AMZ1: variants seen among roughly 807,000 people sequenced by gnomAD.
AMZ1 encodes the protein archaemetzincin-1.
A neutral mutation model predicts 29.9 loss-of-function variants in AMZ1; 39 were observed. That is an observed-to-expected ratio of 1.30 (90% CI 1.01 to 1.70). The LOEUF (loss-of-function observed/expected upper bound fraction) is 1.70, where lower values mean the gene tolerates loss of function less well. AMZ1 is among the 40% of genes most tolerant of loss of function. The pLI is 0.00. For synonymous variants in AMZ1, 458 were observed against 304.0 expected, an observed-to-expected ratio of 1.51 and a Z score of -5.27; for missense variants, 1,041 against 680.6, an observed-to-expected ratio of 1.53 and a Z score of -5.89.
At position 2,706,479 on chromosome 7, in the gene AMZ1, G is replaced by T. The variant is rs536461418; in HGVS notation, c.473-2109G>T. On this transcript the variant is annotated intron_variant, in intron 3 of 6. Coordinates refer to ENST00000683327, the MANE Select transcript of AMZ1 (RefSeq NM_001384743.1). ...GGACATTTCTTGTCTCACATCGCTG[G>T]AGCCTGCAGTTCTTAACCAAGGTTT... is the stretch of plus-strand genomic sequence containing the variant. Among the ~76,000 whole-genome samples, 139 of 152,302 alleles carry T rather than the reference G, an allele frequency of 9.1e-4. 1 individual carries two copies. Among genetic ancestry groups the T allele is most frequent in the African/African-American group, 3.1e-3 (128 of 41,564 alleles).
chr7:2,692,157 C>G (rs1787430805), intron 1 of AMZ1, among the ~76,000 whole-genome samples: 1 of 152,180 alleles, frequency 6.6e-6, no homozygotes, highest in Non-Finnish European at 1.5e-5. Flanking sequence ...GGCTAAGTGC[C>G]TCCTCCTCCT....
At chr7:2,762,377 G>T (rs995344417), upstream of AMZ1, 7 of 439,424 alleles carry the variant, frequency 1.6e-5, no homozygotes, top group Non-Finnish European at 2.4e-5. Flanking sequence ...ACGGTATGGC[G>T]GTTCCCACTT....
At chr7:2,730,433 G>C (rs798531) in intron 4 of AMZ1, 61,934 of 152,330 alleles carry the variant, frequency 0.41, 12,853 homozygotes, top group Admixed American at 0.47. Context: ...TGCTGGGCAT[G>C]GGGCAGGGTG....
chr7:2,710,314 T>C (rs1326346795), intron 6 of AMZ1, among the ~76,000 whole-genome samples: 1 of 152,226 alleles, frequency 6.6e-6, no homozygotes, highest in Non-Finnish European at 1.5e-5. Flanking sequence ...GGCTCGTCCG[T>C]ATTCATGGAC....
In AMZ1 at chr7:2,702,857, G is replaced by A. The variant is rs749181620; in HGVS notation, c.440G>A (p.Ser147Asn). The A allele has an allele frequency of 1.4e-5, 23 of 1,586,960 alleles. No homozygotes were observed. Among genetic ancestry groups the A allele is most frequent in the Non-Finnish European group, 1.9e-5 (22 of 1,172,614 alleles). Residue 147 changes from serine to asparagine, a missense_variant, in exon 3 of 7, where the codon AGC (serine) becomes AAC (asparagine). Physicochemically the swap from Ser to Asn is conservative, Grantham distance 46. Coordinates refer to ENST00000683327, the MANE Select transcript of AMZ1 (RefSeq NM_001384743.1). ...TCCATCCGCTGCTCCTCGCGGCCCA[G>A]CCGGGACTCTGACAGGCTCCAGCTC... The part of the protein sequence containing the change: ...AASIRCSSRP[S>N]RDSDRLQLHT...
In AMZ1 at chr7:2,696,387, G is replaced by C. The variant is rs1380737961; in HGVS notation, c.-218-3847G>C. 4.7e-5 allele frequency among the ~76,000 whole-genome samples: 7 copies of C among 150,134 alleles called. No homozygotes were observed. In the Admixed American group the frequency reaches 4.7e-4, roughly 10 times the overall value. Reference sequence around the variant, plus strand: ...TTCTCCTGCCTCAGCCTCCCAAGTAGCTGGGACTACAGGCGCCCGCCACCA... The same window carrying C: ...TTCTCCTGCCTCAGCCTCCCAAGTACCTGGGACTACAGGCGCCCGCCACCA... On this transcript the variant is annotated intron_variant, in intron 1 of 6. Coordinates refer to ENST00000683327, the MANE Select transcript of AMZ1 (RefSeq NM_001384743.1).
At chr7:2,688,907 A>C (rs569337585) in intron 1 of AMZ1, among the ~76,000 whole-genome samples, 1 of 152,378 alleles carries the variant, frequency 6.6e-6, no homozygotes, top group African/African-American at 2.4e-5. Flanking sequence ...CAAACTTTAC[A>C]AAGGACAGGG....
upstream of AMZ1, among the ~76,000 whole-genome samples, chr7:2,687,043 T>C (rs1489754568): frequency 6.6e-6 from 1 of 151,668 alleles, no homozygotes; most frequent in Non-Finnish European, 1.5e-5. Context: ...AAAAAATTCT[T>C]TGAGGCTGGG....
intron 4 of AMZ1, among the ~76,000 whole-genome samples, chr7:2,734,237 G>A (rs1790045366): frequency 1.3e-5 from 2 of 152,202 alleles, no homozygotes; most frequent in South Asian, 4.2e-4. Context: ...GGAGGAGCCG[G>A]GAGAGCGCAA....
downstream of AMZ1, among the ~76,000 whole-genome samples, chr7:2,721,795 G>A (rs1789433254): frequency 6.6e-6 from 1 of 151,818 alleles, no homozygotes; most frequent in Non-Finnish European, 1.5e-5. Context: ...GGGGAGGCAG[G>A]GACATAACAC....
In AMZ1 at chr7:2,696,337, A is replaced by G. The variant is rs538146292; in HGVS notation, c.-218-3897A>G. 7.4e-5 allele frequency among the ~76,000 whole-genome samples: 11 copies of G among 149,310 alleles called. No individual in the cohort carries two copies. In the East Asian group the frequency reaches 1.7e-3, roughly 23 times the overall value. ...AGTGGTGCGATCTTGGCTCACTGCA[A>G]GCTCCGCCTCCCAGGTTCACGCCAT... On this transcript the variant is annotated intron_variant, in intron 1 of 6. Coordinates refer to ENST00000683327, the MANE Select transcript of AMZ1 (RefSeq NM_001384743.1).
At chr7:2,743,601 C>G (rs1790614132) in intron 4 of AMZ1, among the ~76,000 whole-genome samples, 1 of 152,190 alleles carries the variant, frequency 6.6e-6, no homozygotes, top group South Asian at 2.1e-4. Flanking sequence ...CTACAGCTCC[C>G]AGCGTGAGCA....
In AMZ1 at chr7:2,716,565, C is replaced by T. The variant is rs991534130; in HGVS notation, c.*3687C>T. The T allele has an allele frequency of 1.3e-5, 2 of 152,232 alleles. No homozygotes were observed. Among genetic ancestry groups the T allele is most frequent in the African/African-American group, 4.8e-5 (2 of 41,446 alleles). 9.4% of individuals were successfully genotyped at this position (152,232 alleles called of 1,614,324 possible). On this transcript the variant is annotated 3_prime_UTR_variant, in exon 7 of 7. Coordinates refer to ENST00000683327, the MANE Select transcript of AMZ1 (RefSeq NM_001384743.1). The stretch of plus-strand genomic sequence containing the variant: ...TAAAGCTGGGAGTCCAAATTTAGAT[C>T]CCACCAAGTTCAAAGGGGGAGGCTA...
chr7:2,718,391 C>G lies in AMZ1; in HGVS notation c.*5513C>G, dbSNP rs761603198. On this transcript the variant is annotated 3_prime_UTR_variant, in exon 7 of 7. Transcript: ENST00000683327. ...CAACACGTCTTTCTCGAGTCCAAGACCATCTCCCGTTCAAGGGCCCTCACC... is the reference window on the plus strand; with the variant it reads ...CAACACGTCTTTCTCGAGTCCAAGAGCATCTCCCGTTCAAGGGCCCTCACC... 3.5e-4 allele frequency among the ~76,000 whole-genome samples: 53 copies of G among 152,214 alleles called. 1 individual carries two copies. The highest frequency in any genetic ancestry group is 7.3e-4 in the Non-Finnish European group (50 of 68,038).
chr7:2,740,099 TTGC>T (rs1368576240), intron 4 of AMZ1, among the ~76,000 whole-genome samples: 3 of 152,162 alleles, frequency 2.0e-5, no homozygotes, highest in African/African-American at 7.2e-5. Context: ...TTGCCAACAC[TTGC>T]TGTTTTCTGA....
intron 3 of AMZ1, among the ~76,000 whole-genome samples, chr7:2,707,967 G>A (rs1408154672): frequency 1.3e-5 from 2 of 151,892 alleles, no homozygotes; most frequent in African/African-American, 2.4e-5. Flanking sequence ...GGGATTACAG[G>A]CACGCACCAC....
Position 2,700,504 on chromosome 7 carries a change from A to G in AMZ1, c.53A>G (p.Lys18Arg). The change falls in exon 2 of 7, where the codon AAG becomes AGG. Residue 18 changes from lysine (K) to arginine (R), a missense_variant. Transcript: ENST00000683327. ...QEFSFGPRAL[K>R]DALVSTDAAL... Reference sequence around the variant, plus strand: ...TTCAGCTTCGGGCCCCGGGCCTTGAAGGACGCTCTGGTCTCCACTGACGCA... The same window carrying G: ...TTCAGCTTCGGGCCCCGGGCCTTGAGGGACGCTCTGGTCTCCACTGACGCA... 1 of 1,606,144 alleles carries G rather than the reference A, an allele frequency of 6.2e-7. No individual in the cohort carries two copies. The highest frequency in any genetic ancestry group is 1.1e-5 in the South Asian group (1 of 91,084).
rs759017472 is a variant in AMZ1 at position 2,712,611 on chromosome 7, G to T, written c.1230G>T (p.Trp410Cys). 6.2e-7 allele frequency: 1 copy of T among 1,612,812 alleles called. No homozygotes were observed. Among genetic ancestry groups the T allele is most frequent in the Non-Finnish European group, 8.5e-7 (1 of 1,179,802 alleles). The stretch of plus-strand genomic sequence containing the variant: ...AGGCCATCAAGGAGCATGAACGGTG[G>T]CTGGCCATGTGCATCCAGGCCCTGC... ...PAEAIKEHER[W>C]LAMCIQALQR... The change falls in exon 7 of 7, where the codon TGG becomes TGT. Residue 410 changes from tryptophan (W) to cysteine (C), a missense_variant. Transcript: ENST00000683327.
chr7:2,720,436 CTG>C (rs1281567282), downstream of AMZ1, among the ~76,000 whole-genome samples: 1 of 152,092 alleles, frequency 6.6e-6, no homozygotes, highest in Non-Finnish European at 1.5e-5. Context: ...GAGACAGAGT[CTG>C]TGTTGCCCAG....
Sources: gnomAD v4.1 joint callset for allele counts (sites outside exome capture counted in the v4.1 genomes callset) on GRCh38, gnomAD v4.1.1 for gene constraint, MANE v1.5 for transcripts, NCBI Gene and HGNC (gene_info 2026-07-23, HGNC 2026-07-21) for gene names.